The following SULT1C3 variants were observed in gnomAD, a reference collection of about 807,000 sequenced individuals.
SULT1C3 encodes sulfotransferase family 1C member 3, also known as sulfotransferase 1C3.
Under a neutral mutation model 28.4 loss-of-function variants are expected in SULT1C3, and 31 were observed. The observed-to-expected ratio is 1.09, with a 90% CI of 0.82 to 1.47. The LOEUF is 1.47. SULT1C3 is among the 40% of genes most tolerant of loss of function. The probability of loss-of-function intolerance (pLI) is 0.00; values close to 1 mark genes in which losing one functional copy is unlikely to be tolerated. For missense variants in SULT1C3, 307 were observed against 272.5 expected (o/e 1.13, Z -0.89); for synonymous variants, 106 against 92.2 (o/e 1.15, Z -0.86).
intron 2 of SULT1C3, 132 bp from the exon 3 acceptor site, chr2:108,252,233 T>A: frequency 1.2e-6 from 1 of 802,062 alleles, no homozygotes; most frequent in Non-Finnish European, 1.9e-6. Context: ...TACAACAGTT[T>A]TCATTTCTGC....
rs1409823468 is a variant in SULT1C3 at position 108,240,078 on chromosome 2, T to C, written c.-13T>C. On this transcript the variant is annotated 5_prime_UTR_variant, in exon 1 of 8. Coordinates refer to ENST00000681802, the MANE Select transcript of SULT1C3 (RefSeq NM_001320878.2). The stretch of plus-strand genomic sequence containing the variant: ...AAGCTGCTTCCTCTGCTGCCTGAGA[T>C]ACCAGGTAAGCCTCACCCTCTTAGA... 6.6e-6 allele frequency among the ~76,000 whole-genome samples: 1 copy of C among 152,234 alleles called. No homozygotes were observed. The highest frequency in any genetic ancestry group is 1.5e-5 in the Non-Finnish European group (1 of 68,046).
chr2:108,252,220 T>C (rs1001271967), intron 2 of SULT1C3, 145 bp from the exon 3 acceptor site: 6 of 670,120 alleles, frequency 9.0e-6, no homozygotes, highest in East Asian at 5.6e-5. Flanking sequence ...GATGCAGGTA[T>C]AATACAACAG....
At chr2:108,263,554 G>A (rs2104395920), downstream of SULT1C3, among the ~76,000 whole-genome samples, 1 of 152,274 alleles carries the variant, frequency 6.6e-6, no homozygotes, top group East Asian at 1.9e-4. Flanking sequence ...TCATTGTTAT[G>A]GGACACTGAA....
chr2:108,261,101 A>G (rs748218591), downstream of SULT1C3, among the ~76,000 whole-genome samples: 8 of 152,188 alleles, frequency 5.3e-5, no homozygotes, highest in Admixed American at 1.3e-4. Flanking sequence ...ACTTTTATGT[A>G]TAAATAATAA....
rs757310763 is a variant in SULT1C3 at position 108,259,022 on chromosome 2, T to C, written c.678T>C (p.Gly226=). 9 of 324,292 alleles carry C rather than the reference T, an allele frequency of 2.8e-5. No individual in the cohort carries two copies. The South Asian group carries it at 3.6e-4, about 13-fold the overall frequency. The allele number at this position is 324,292 out of a possible 1,614,324, so 20.1% of individuals were successfully genotyped here. ...AATTCTTGGAGAAAACTTGGTCAGG[T>C]GATGTTATAAACAAGATTGTCCACC... ...VLEFLEKTWS[G]DVINKIVHHT... is the part of the protein sequence containing the mutation. Residue 226 remains glycine (G), a synonymous_variant, in exon 7 of 8, where the codon GGT becomes GGC. Coordinates refer to ENST00000681802, the MANE Select transcript of SULT1C3 (RefSeq NM_001320878.2).
chr2:108,254,856 A>C (rs190545310), intron 4 of SULT1C3, among the ~76,000 whole-genome samples: 6 of 147,058 alleles, frequency 4.1e-5, no homozygotes, highest in African/African-American at 1.5e-4. Flanking sequence ...TATATATAGC[A>C]AAATCACTCA....
chr2:108,262,730 T>G (rs988897741), downstream of SULT1C3, among the ~76,000 whole-genome samples: 1 of 152,178 alleles, frequency 6.6e-6, no homozygotes, highest in Non-Finnish European at 1.5e-5. Context: ...GTGTAAGATA[T>G]AGTTTGCCCC....
intron 7 of SULT1C3, among the ~76,000 whole-genome samples, chr2:108,260,122 C>T (rs1675984901): frequency 6.6e-6 from 1 of 152,100 alleles, no homozygotes; most frequent in East Asian, 1.9e-4. Context: ...AATGTCATTT[C>T]CAGTGGATTT....
chr2:108,253,301 A>C, intron 3 of SULT1C3, 44 bp from the exon 4 acceptor site: 1 of 1,270,776 alleles, frequency 7.9e-7, no homozygotes, highest in Non-Finnish European at 1.1e-6. Flanking sequence ...GTATTTTGGC[A>C]GAGTGCCAAG....
At chr2:108,250,325 A>G (rs1028362807) in intron 2 of SULT1C3, among the ~76,000 whole-genome samples, 3 of 152,060 alleles carry the variant, frequency 2.0e-5, no homozygotes, top group Admixed American at 6.6e-5. Flanking sequence ...GATATTCAAC[A>G]TCATTTATCA....
At chr2:108,244,207 A>C (rs1675529837) in intron 1 of SULT1C3, among the ~76,000 whole-genome samples, 1 of 152,204 alleles carries the variant, frequency 6.6e-6, no homozygotes, top group Non-Finnish European at 1.5e-5. Flanking sequence ...TTACTGGCTC[A>C]CACAGGGAGA....
intron 1 of SULT1C3, among the ~76,000 whole-genome samples, chr2:108,245,692 G>T (rs139692696): frequency 7.9e-5 from 12 of 152,064 alleles, no homozygotes; most frequent in African/African-American, 2.9e-4. Context: ...CCAGGCTTCC[G>T]GGCCTGTGAT....
downstream of SULT1C3, chr2:108,264,920 T>C (rs1676100026): frequency 6.2e-7 from 1 of 1,613,964 alleles, no homozygotes; most frequent in Non-Finnish European, 8.5e-7. Flanking sequence ...CCTCCTTTGA[T>C]GTAATGAAGC....
intron 2 of SULT1C3, among the ~76,000 whole-genome samples, chr2:108,249,217 T>G (rs1013456295): frequency 3.3e-5 from 5 of 152,006 alleles, no homozygotes; most frequent in African/African-American, 1.2e-4. Context: ...TATTCAGGTG[T>G]TGTTTTAACT....
At chr2:108,261,626 T>C (rs1301703148), downstream of SULT1C3, among the ~76,000 whole-genome samples, 1 of 151,972 alleles carries the variant, frequency 6.6e-6, no homozygotes, top group Non-Finnish European at 1.5e-5. Context: ...GATGACAGCA[T>C]GTAACATGTA....
intron 1 of SULT1C3, among the ~76,000 whole-genome samples, chr2:108,242,516 A>T (rs1675486893): frequency 6.6e-6 from 1 of 152,170 alleles, no homozygotes; most frequent in Non-Finnish European, 1.5e-5. Flanking sequence ...GGATGTTTTC[A>T]TACCTTTCAG....
chr2:108,256,030 G>A (rs992181793), intron 5 of SULT1C3, among the ~76,000 whole-genome samples: 1 of 151,920 alleles, frequency 6.6e-6, no homozygotes, highest in Non-Finnish European at 1.5e-5. Context: ...GATATCCTGC[G>A]GTTTCATCTT....
downstream of SULT1C3, among the ~76,000 whole-genome samples, chr2:108,261,803 C>T (rs983635276): frequency 7.9e-5 from 12 of 152,102 alleles, no homozygotes; most frequent in African/African-American, 2.7e-4. Context: ...TCTACCTTAT[C>T]GTAGTGACAA....
intron 2 of SULT1C3, among the ~76,000 whole-genome samples, chr2:108,247,863 A>G (rs1675627014): frequency 6.6e-6 from 1 of 152,164 alleles, no homozygotes; most frequent in African/African-American, 2.4e-5. Context: ...TTGATTTAAA[A>G]TGCCTTAGAT....
Sources: allele counts gnomAD v4.1 joint callset (sites outside exome capture counted in the v4.1 genomes callset), GRCh38; gene constraint gnomAD v4.1.1; transcripts MANE v1.5; gene names NCBI Gene and HGNC (gene_info 2026-07-23, HGNC 2026-07-21).